The following KCNMB2 variants were observed in gnomAD, a reference collection of about 807,000 sequenced individuals.
The protein encoded by KCNMB2 is potassium calcium-activated channel subfamily M regulatory beta subunit 2.
Under a neutral mutation model 24.5 loss-of-function variants are expected in KCNMB2, and 9 were observed. That is an observed-to-expected ratio of 0.37 (90% CI 0.22 to 0.64). KCNMB2 has a LOEUF of 0.64. KCNMB2 is among the 30% of genes least tolerant of loss of function. The pLI, the probability that KCNMB2 is intolerant of heterozygous loss-of-function variation, is 0.63. For missense variants in KCNMB2, 226 were observed against 284.3 expected, an observed-to-expected ratio of 0.79 and a Z score of 1.47; for synonymous variants, 109 against 104.4, an observed-to-expected ratio of 1.04 and a Z score of -0.27.
intron 1 of KCNMB2, among the ~76,000 whole-genome samples, chr3:178,615,631 C>T (rs899415455): frequency 2.0e-5 from 3 of 152,174 alleles, no homozygotes; most frequent in African/African-American, 2.4e-5. Flanking sequence ...AGTCAGCTTG[C>T]GATGAGTGCT....
intron 1 of KCNMB2, among the ~76,000 whole-genome samples, chr3:178,765,634 C>T (rs1028538147): frequency 1.5e-4 from 11 of 74,612 alleles, no homozygotes; most frequent in East Asian, 1.0e-3. Context: ...TGTGTGCACG[C>T]GCGTGTGCAT....
At chr3:178,594,677 A>T (rs1398580703) in intron 1 of KCNMB2, among the ~76,000 whole-genome samples, 1 of 152,086 alleles carries the variant, frequency 6.6e-6, no homozygotes, top group Non-Finnish European at 1.5e-5. Context: ...TTTAGTCTGG[A>T]ATTCAAGGGG....
intron 1 of KCNMB2, among the ~76,000 whole-genome samples, chr3:178,660,536 C>G (rs1720489588): frequency 1.3e-5 from 2 of 152,286 alleles, no homozygotes; most frequent in East Asian, 3.9e-4. Flanking sequence ...CCATGTCTCT[C>G]AGAGCTGACA....
intron 4 of KCNMB2, 142 bp downstream of exon 4, chr3:178,828,515 C>T: frequency 3.3e-6 from 2 of 597,216 alleles, no homozygotes; most frequent in Admixed American, 3.1e-5. Context: ...AGAGAACTTG[C>T]TATGTGACTC....
In KCNMB2 at chr3:178,754,063, T is replaced by C. The variant is rs73051659; in HGVS notation, c.-67-53280T>C. Among the ~76,000 whole-genome samples, 17 of 151,204 alleles carry C rather than the reference T, an allele frequency of 1.1e-4. No individual in the cohort carries two copies. The East Asian group carries it at 2.9e-3, about 26-fold the overall frequency. On this transcript the variant is annotated intron_variant, in intron 1 of 4. Transcript: ENST00000452583. ...TATTTATCTTTCTGTGCCTGGTTCA[T>C]TTCACTTAACATAATGTCCTCCACA...
intron 1 of KCNMB2, among the ~76,000 whole-genome samples, chr3:178,544,861 C>T (rs943583357): frequency 2.0e-5 from 3 of 152,082 alleles, no homozygotes; most frequent in Non-Finnish European, 2.9e-5. Context: ...AAAGCAGCAA[C>T]GATGTTTTTT....
intron 1 of KCNMB2, among the ~76,000 whole-genome samples, chr3:178,713,190 C>T (rs985636057): frequency 4.6e-5 from 7 of 152,192 alleles, no homozygotes; most frequent in African/African-American, 1.7e-4. Context: ...TAGTGATTAG[C>T]ATGTAATGAT....
intron 4 of KCNMB2, among the ~76,000 whole-genome samples, chr3:178,829,337 G>C (rs1049541462): frequency 5.9e-5 from 9 of 151,830 alleles, no homozygotes; most frequent in African/African-American, 2.2e-4. Flanking sequence ...ATAACTTATA[G>C]TTATTGAAAA....
intron 1 of KCNMB2, among the ~76,000 whole-genome samples, chr3:178,562,738 C>G (rs1404108245): frequency 6.6e-6 from 1 of 152,060 alleles, no homozygotes; most frequent in Non-Finnish European, 1.5e-5. Context: ...GCATGAAGGC[C>G]CTCCTCGATC....
At chr3:178,731,354 G>C (rs116794612) in intron 1 of KCNMB2, among the ~76,000 whole-genome samples, 1 of 152,182 alleles carries the variant, frequency 6.6e-6, no homozygotes, top group African/African-American at 2.4e-5. Flanking sequence ...CCAACATTTC[G>C]GGCTAGATAA....
chr3:178,622,776 G>A (rs1718969944), intron 1 of KCNMB2, among the ~76,000 whole-genome samples: 1 of 152,166 alleles, frequency 6.6e-6, no homozygotes, highest in Non-Finnish European at 1.5e-5. Context: ...CTGCCCACCT[G>A]AAATCTGAGT....
chr3:178,667,965 G>A (rs1560157028), intron 1 of KCNMB2, among the ~76,000 whole-genome samples: 4 of 152,216 alleles, frequency 2.6e-5, no homozygotes, highest in African/African-American at 9.6e-5. Context: ...TTGCCCCCAT[G>A]AGTTTTTAAG....
intron 1 of KCNMB2, among the ~76,000 whole-genome samples, chr3:178,754,150 G>GTGTATATATATATA (rs1553773711): frequency 1.1e-4 from 12 of 106,278 alleles, no homozygotes; most frequent in African/African-American, 4.5e-4. Context: ...ATATTCCATT[G>GTGTATATATATATA]TATATATATA....
At chr3:178,561,743 T>C (rs1560109408) in intron 1 of KCNMB2, among the ~76,000 whole-genome samples, 1 of 152,218 alleles carries the variant, frequency 6.6e-6, no homozygotes, top group Non-Finnish European at 1.5e-5. Flanking sequence ...AGCAGCCTTT[T>C]AGCTATAATC....
At position 178,778,716 on chromosome 3, in the gene KCNMB2, T is replaced by C. The variant is rs1712700271; in HGVS notation, c.-67-28627T>C. ...CTGGATTTGTCCACTGGCTCAGGACTAGCCAGTTAGGCTCTCCCTCCCTGT... is the reference window on the plus strand; with the variant it reads ...CTGGATTTGTCCACTGGCTCAGGACCAGCCAGTTAGGCTCTCCCTCCCTGT... On this transcript the variant is annotated intron_variant, in intron 1 of 4. Coordinates refer to ENST00000452583, the MANE Select transcript of KCNMB2 (RefSeq NM_181361.3). Among the ~76,000 whole-genome samples the C allele has an allele frequency of 2.6e-5, 4 of 152,208 alleles. No homozygotes were observed. In the South Asian group the frequency reaches 8.3e-4, roughly 31 times the overall value.
At chr3:178,627,996 C>A (rs931682291) in intron 1 of KCNMB2, among the ~76,000 whole-genome samples, 1 of 152,232 alleles carries the variant, frequency 6.6e-6, no homozygotes, top group South Asian at 2.1e-4. Flanking sequence ...TGACAATGAG[C>A]GCAAACTAAC....
intron 1 of KCNMB2, among the ~76,000 whole-genome samples, chr3:178,582,958 A>T (rs1300086442): frequency 6.6e-6 from 1 of 152,224 alleles, no homozygotes; most frequent in Non-Finnish European, 1.5e-5. Context: ...AAACTGAAGA[A>T]GGAAAGACAA....
chr3:178,662,505 T>C (rs1720567795), intron 1 of KCNMB2, among the ~76,000 whole-genome samples: 1 of 152,186 alleles, frequency 6.6e-6, no homozygotes, highest in African/African-American at 2.4e-5. Flanking sequence ...CACACCATTA[T>C]GGTCTTATAC....
At chr3:178,764,197 T>C (rs957053821) in intron 1 of KCNMB2, among the ~76,000 whole-genome samples, 9 of 152,214 alleles carry the variant, frequency 5.9e-5, no homozygotes, top group African/African-American at 1.9e-4. Context: ...TTTGTGCAAA[T>C]ACATTTATTA....
Sources: gnomAD v4.1 joint callset for allele counts (sites outside exome capture counted in the v4.1 genomes callset) on GRCh38, gnomAD v4.1.1 for gene constraint, MANE v1.5 for transcripts, NCBI Gene and HGNC (gene_info 2026-07-23, HGNC 2026-07-21) for gene names.